The following NUP93 variants were observed in gnomAD, a reference collection of about 807,000 sequenced individuals.
NUP93 encodes the protein nucleoporin 93.
NUP93 carries 55 observed loss-of-function variants against 107.8 expected under a neutral mutation model. The observed-to-expected ratio is 0.51, with a 90% CI of 0.41 to 0.64. The LOEUF (loss-of-function observed/expected upper bound fraction) is 0.64, where lower values mean the gene tolerates loss of function less well. NUP93 is among the 30% of genes least tolerant of loss of function. The probability of loss-of-function intolerance (pLI) is 0.00; values close to 1 mark genes in which losing one functional copy is unlikely to be tolerated. For synonymous variants in NUP93, 390 were observed against 397.5 expected, an observed-to-expected ratio of 0.98 and a Z score of 0.22; for missense variants, 937 against 1,044.7, an observed-to-expected ratio of 0.90 and a Z score of 1.42.
intron 4 of NUP93, among the ~76,000 whole-genome samples, chr16:56,802,569 C>T (rs544121466): frequency 1.6e-5 from 1 of 61,518 alleles, no homozygotes; most frequent in African/African-American, 9.3e-5. Context: ...ACGCACCAAC[C>T]TTCTTCCTAA....
chr16:56,774,207 T>C (rs1962371490), intron 3 of NUP93, among the ~76,000 whole-genome samples: 2 of 152,226 alleles, frequency 1.3e-5, no homozygotes, highest in African/African-American at 4.8e-5. Flanking sequence ...GTGCTGTTGC[T>C]TCTGCAAATG....
At chr16:56,756,111 C>T (rs1273279919) in intron 2 of NUP93, among the ~76,000 whole-genome samples, 2 of 151,878 alleles carry the variant, frequency 1.3e-5, no homozygotes, top group African/African-American at 2.4e-5. Context: ...GGTTGAGACC[C>T]ACTCTTCTTT....
At chr16:56,770,949 A>C (rs1241056619) in intron 3 of NUP93, among the ~76,000 whole-genome samples, 1 of 152,140 alleles carries the variant, frequency 6.6e-6, no homozygotes, top group Non-Finnish European at 1.5e-5. Context: ...ATAGCTCAAA[A>C]TTGGTCAATT....
At chr16:56,744,724 T>C (rs1961794124) in intron 1 of NUP93, among the ~76,000 whole-genome samples, 1 of 152,234 alleles carries the variant, frequency 6.6e-6, no homozygotes, top group African/African-American at 2.4e-5. Context: ...TTGGTCTTGG[T>C]ATTTAGAGGG....
chr16:56,775,756 T>G (rs770733257), intron 3 of NUP93, among the ~76,000 whole-genome samples: 10 of 152,154 alleles, frequency 6.6e-5, no homozygotes, highest in African/African-American at 2.4e-4. Context: ...TATTTTGAGA[T>G]GAGGAGGGCA....
chr16:56,798,418 A>G (rs1962945763), intron 3 of NUP93, 58 bp from the exon 4 acceptor site: 18 of 1,447,622 alleles, frequency 1.2e-5, no homozygotes, highest in Non-Finnish European at 1.7e-5. Context: ...GCCCTGCAGT[A>G]TACTTTTGAT....
At chr16:56,792,004 G>C (rs1962775384) in intron 3 of NUP93, among the ~76,000 whole-genome samples, 1 of 152,080 alleles carries the variant, frequency 6.6e-6, no homozygotes, top group Admixed American at 6.5e-5. Flanking sequence ...ACATATCTCT[G>C]TTGCATTTAT....
Position 56,846,009 on chromosome 16 carries a change from T to C in NUP93, c.*1400T>C, listed in dbSNP as rs1964112085. The C allele has an allele frequency of 6.6e-6, 1 of 152,238 alleles. No individual in the cohort carries two copies. Among genetic ancestry groups the C allele is most frequent in the Non-Finnish European group, 1.5e-5 (1 of 68,056 alleles). 9.4% of individuals were successfully genotyped at this position (152,238 alleles called of 1,614,324 possible). On this transcript the variant is annotated 3_prime_UTR_variant, in exon 22 of 22. Coordinates refer to ENST00000308159, the MANE Select transcript of NUP93 (RefSeq NM_014669.5). ...AGGACTGTCTTCAATTGAGCTTTAC[T>C]AGAAAGTCTTGAAACATGAGCCCTG...
chr16:56,805,578 G>C lies in NUP93; in HGVS notation c.435G>C (p.Leu145=). 1 of 1,614,090 alleles carries C rather than the reference G, an allele frequency of 6.2e-7. No homozygotes were observed. Residue 145 remains leucine (L), a synonymous_variant, in exon 5 of 22, where the codon CTG becomes CTC. Transcript: ENST00000308159. ...VEWEQVKQRI[L]HTLLASGEDA... Reference sequence around the variant, plus strand: ...GGGAGCAAGTGAAACAGCGAATTCTGCACACACTGCTGGCATCAGGAGAAG... The same window carrying C: ...GGGAGCAAGTGAAACAGCGAATTCTCCACACACTGCTGGCATCAGGAGAAG...
chr16:56,744,558 G>C (rs1388086173), intron 1 of NUP93, among the ~76,000 whole-genome samples: 1 of 152,156 alleles, frequency 6.6e-6, no homozygotes, highest in Non-Finnish European at 1.5e-5. Flanking sequence ...GACAGATCCA[G>C]TTTTTCCCAA....
At chr16:56,792,731 C>T (rs1340359568) in intron 3 of NUP93, among the ~76,000 whole-genome samples, 2 of 152,234 alleles carry the variant, frequency 1.3e-5, no homozygotes, top group East Asian at 3.8e-4. Context: ...TAAGCATACT[C>T]TGAGCCTCAA....
At chr16:56,756,295 G>C (rs1174812150) in intron 2 of NUP93, among the ~76,000 whole-genome samples, 33 of 30,456 alleles carry the variant, frequency 1.1e-3, no homozygotes, top group African/African-American at 1.8e-3. Context: ...CTCTCTCCTT[G>C]CCCCCCCCCC....
At chr16:56,836,951 A>G (rs1392633442) in intron 17 of NUP93, among the ~76,000 whole-genome samples, 3 of 152,270 alleles carry the variant, frequency 2.0e-5, no homozygotes, top group African/African-American at 7.2e-5. Flanking sequence ...TCCTGCAGGC[A>G]TTGAACTGTT....
rs1555495759 is a variant in NUP93 at position 56,815,899 on chromosome 16, G to GGTGC, written c.490-2765_490-2764insGTGC. On this transcript the variant is annotated intron_variant, in intron 5 of 21. Transcript: ENST00000308159. ...GCTGCTGCTGCTGCTGCTGCTGCTG[G>GGTGC]TGCTGCTGCTGCTGCTGGTGCTGCT... Among the ~76,000 whole-genome samples, 219 of 96,028 alleles carry GGTGC rather than the reference G, an allele frequency of 2.3e-3. 2 individuals are homozygous for GGTGC. The highest frequency in any genetic ancestry group is 3.9e-3 in the Non-Finnish European group (175 of 45,374). The allele number at this position is 96,028 out of a possible 152,430, so 63.0% of individuals were successfully genotyped here.
In NUP93 at chr16:56,844,647, C is replaced by A; in HGVS notation, c.*38C>A. 7.2e-7 allele frequency: 1 copy of A among 1,387,800 alleles called. No individual in the cohort carries two copies. The highest frequency in any genetic ancestry group is 1.0e-6 in the Non-Finnish European group (1 of 1,000,218). The allele number at this position is 1,387,800 out of a possible 1,614,324, so 86.0% of individuals were successfully genotyped here. A position where few individuals can be genotyped will look rare whatever the true frequency, so the allele number is the denominator to read the frequency against. Reference sequence around the variant, plus strand: ...GTGGGAGTCTGGGTCGGCACACTGTCAGTACATCAGGCACATGGGCCCACT... The same window carrying A: ...GTGGGAGTCTGGGTCGGCACACTGTAAGTACATCAGGCACATGGGCCCACT... On this transcript the variant is annotated 3_prime_UTR_variant, in exon 22 of 22. Coordinates refer to ENST00000308159, the MANE Select transcript of NUP93 (RefSeq NM_014669.5).
intron 4 of NUP93, among the ~76,000 whole-genome samples, chr16:56,801,489 C>T (rs981668551): frequency 2.0e-5 from 3 of 151,820 alleles, no homozygotes; most frequent in African/African-American, 7.3e-5. Context: ...CTCGGCTCAC[C>T]GCAACCTCCA....
intron 7 of NUP93, 32 bp downstream of exon 7, chr16:56,821,625 G>A (rs1245578480): frequency 6.1e-6 from 9 of 1,485,020 alleles, no homozygotes; most frequent in Non-Finnish European, 8.4e-6. Flanking sequence ...AGTAGAAACC[G>A]GGGTCCAGTG....
chr16:56,811,285 T>C (rs1333270896), intron 5 of NUP93, among the ~76,000 whole-genome samples: 1 of 152,236 alleles, frequency 6.6e-6, no homozygotes, highest in African/African-American at 2.4e-5. Context: ...TTTTCTGTCT[T>C]TTTAAATTTA....
intron 3 of NUP93, among the ~76,000 whole-genome samples, chr16:56,774,744 C>T (rs1962382073): frequency 6.6e-6 from 1 of 152,146 alleles, no homozygotes; most frequent in African/African-American, 2.4e-5. Context: ...GATGAAGAAA[C>T]TGAGGCATGA....
Sources: gnomAD v4.1 joint callset for allele counts (sites outside exome capture counted in the v4.1 genomes callset) on GRCh38, gnomAD v4.1.1 for gene constraint, MANE v1.5 for transcripts, NCBI Gene and HGNC (gene_info 2026-07-23, HGNC 2026-07-21) for gene names.